Variants in PLXDC2 observed in about 807,000 individuals in gnomAD.
PLXDC2 encodes plexin domain-containing protein 2.
PLXDC2 carries 40 observed loss-of-function variants against 68.9 expected under a neutral mutation model. The ratio of observed to expected loss-of-function variants is 0.58; its 90% confidence interval spans 0.45 to 0.76. PLXDC2 has a LOEUF of 0.76. Ranked by LOEUF, PLXDC2 falls within the 30% of genes least tolerant of loss-of-function variation. The probability of loss-of-function intolerance (pLI) is 0.00; values close to 1 mark genes in which losing one functional copy is unlikely to be tolerated. For synonymous variants in PLXDC2, 243 were observed against 234.2 expected, an observed-to-expected ratio of 1.04 and a Z score of -0.34; for missense variants, 644 against 661.9, an observed-to-expected ratio of 0.97 and a Z score of 0.30.
chr10:20,110,165 G>A (rs1182000719), intron 4 of PLXDC2, among the ~76,000 whole-genome samples: 2 of 152,178 alleles, frequency 1.3e-5, no homozygotes, highest in South Asian at 2.1e-4. Context: ...GAGAAGGTGA[G>A]ATTTTTGGCA....
At chr10:19,892,030 G>A (rs755582277) in intron 1 of PLXDC2, among the ~76,000 whole-genome samples, 2 of 152,080 alleles carry the variant, frequency 1.3e-5, no homozygotes, top group Non-Finnish European at 2.9e-5. Context: ...AGTAAAACAA[G>A]GGACTTTAGA....
chr10:20,053,725 T>A (rs915475932), intron 3 of PLXDC2, among the ~76,000 whole-genome samples: 1 of 152,120 alleles, frequency 6.6e-6, no homozygotes, highest in Non-Finnish European at 1.5e-5. Flanking sequence ...TACAGATATA[T>A]CTCTGTCCTG....
At chr10:19,848,621 T>C (rs1037097379) in intron 1 of PLXDC2, among the ~76,000 whole-genome samples, 1 of 152,148 alleles carries the variant, frequency 6.6e-6, no homozygotes, top group Non-Finnish European at 1.5e-5. Context: ...AAAGAAGAAA[T>C]AACTGTTGTC....
At chr10:20,217,648 G>A in intron 11 of PLXDC2, 72 bp downstream of exon 11, 2 of 1,405,914 alleles carry the variant, frequency 1.4e-6, no homozygotes, top group South Asian at 1.5e-5. Context: ...AAAAATCACT[G>A]TGTTGACATG....
chr10:19,990,795 G>C (rs865924539), intron 1 of PLXDC2, among the ~76,000 whole-genome samples: 14 of 152,254 alleles, frequency 9.2e-5, no homozygotes, highest in Middle Eastern at 6.8e-3. Flanking sequence ...GGAAAGCAAT[G>C]TCAGAATTCA....
At chr10:20,248,867 C>G (rs1460202242) in intron 13 of PLXDC2, among the ~76,000 whole-genome samples, 1 of 152,124 alleles carries the variant, frequency 6.6e-6, no homozygotes, top group East Asian at 1.9e-4. Flanking sequence ...ATATTATATT[C>G]CTATCTACTT....
chr10:20,240,839 A>G (rs377420105), intron 12 of PLXDC2, among the ~76,000 whole-genome samples: 1 of 152,098 alleles, frequency 6.6e-6, no homozygotes, highest in Non-Finnish European at 1.5e-5. Context: ...AGTCATTGGT[A>G]TGTGACACAA....
intron 2 of PLXDC2, among the ~76,000 whole-genome samples, chr10:20,018,953 G>GA (rs1261924900): frequency 2.0e-5 from 3 of 151,806 alleles, no homozygotes; most frequent in South Asian, 4.2e-4. Context: ...ATTTGAAGGG[G>GA]AAAAAAAAGA....
intron 9 of PLXDC2, among the ~76,000 whole-genome samples, chr10:20,195,762 A>G (rs907503150): frequency 6.6e-6 from 1 of 152,080 alleles, no homozygotes; most frequent in South Asian, 2.1e-4. Context: ...CAAATTTGCT[A>G]TCTTGGCAGA....
intron 13 of PLXDC2, among the ~76,000 whole-genome samples, chr10:20,259,505 T>A (rs1835783716): frequency 6.6e-6 from 1 of 152,188 alleles, no homozygotes; most frequent in African/African-American, 2.4e-5. Context: ...TACAAAAAAA[T>A]TAGCTGACAG....
chr10:20,044,211 GTCTTTCTTTCTTTCTTTCTTTCTT>G (rs1226746835), intron 2 of PLXDC2, among the ~76,000 whole-genome samples: 3,700 of 68,536 alleles, frequency 0.054, 160 homozygotes, highest in East Asian at 0.12. Flanking sequence ...CTCTCTCTCT[GTCTTTCTTTCTTTCTTTCTTTCTT>G]TCTTTCTTTC....
intron 7 of PLXDC2, among the ~76,000 whole-genome samples, chr10:20,173,443 G>A (rs534773972): frequency 1.8e-4 from 27 of 152,290 alleles, no homozygotes; most frequent in African/African-American, 5.8e-4. Context: ...TCATTAGTCT[G>A]TGTTCAGTTC....
intron 4 of PLXDC2, among the ~76,000 whole-genome samples, chr10:20,126,024 A>G (rs1833769632): frequency 6.7e-6 from 1 of 148,496 alleles, no homozygotes; most frequent in African/African-American, 2.4e-5. Context: ...CTACATATAT[A>G]CACACATACA....
intron 1 of PLXDC2, among the ~76,000 whole-genome samples, chr10:19,867,443 G>A (rs7910510): frequency 0.91 from 138,787 of 152,128 alleles, 63,454 homozygotes; most frequent in African/African-American, 0.98. Context: ...TCTGTAGAAC[G>A]TCTCAGGGAC....
At chr10:20,169,551 C>T (rs2131819576) in intron 7 of PLXDC2, among the ~76,000 whole-genome samples, 1 of 152,238 alleles carries the variant, frequency 6.6e-6, no homozygotes, top group South Asian at 2.1e-4. Flanking sequence ...TCACTAGTGC[C>T]ATTTGCACTA....
chr10:20,228,373 C>T (rs1835313728), intron 12 of PLXDC2, among the ~76,000 whole-genome samples: 1 of 151,842 alleles, frequency 6.6e-6, no homozygotes, highest in Admixed American at 6.6e-5. Flanking sequence ...CTAGCCTGGG[C>T]AACACAGGGA....
chr10:19,874,636 G>A (rs1188727724), intron 1 of PLXDC2, among the ~76,000 whole-genome samples: 5 of 152,188 alleles, frequency 3.3e-5, no homozygotes, highest in South Asian at 2.1e-4. Flanking sequence ...GACTGAATGC[G>A]TTGGATGCAG....
chr10:20,154,798 C>T (rs10827974), intron 6 of PLXDC2, among the ~76,000 whole-genome samples: 34,270 of 151,336 alleles, frequency 0.23, 4,739 homozygotes, highest in East Asian at 0.51. Context: ...TTTTTTTTCA[C>T]TAGCTTATGT....
intron 1 of PLXDC2, among the ~76,000 whole-genome samples, chr10:19,949,123 C>CAAAAAAAAAAA (rs60138814): frequency 2.4e-5 from 2 of 82,916 alleles, no homozygotes; most frequent in East Asian, 3.5e-4. Flanking sequence ...GAGACTTTGT[C>CAAAAAAAAAAA]AAAAAAAAAA....
Sources: gnomAD v4.1 joint callset for allele counts (sites outside exome capture counted in the v4.1 genomes callset) on GRCh38, gnomAD v4.1.1 for gene constraint, MANE v1.5 for transcripts, NCBI Gene and HGNC (gene_info 2026-07-23, HGNC 2026-07-21) for gene names.